Variants in NLGN1 observed in about 807,000 individuals in gnomAD.
NLGN1 encodes neuroligin 1, also known as neuroligin-1.
NLGN1 carries 12 observed loss-of-function variants against 65.5 expected under a neutral mutation model. The observed-to-expected ratio is 0.18, with a 90% CI of 0.12 to 0.30. NLGN1 has a LOEUF of 0.30. Ranked by LOEUF, NLGN1 falls within the 10% of genes least tolerant of loss-of-function variation. The probability of loss-of-function intolerance (pLI) is 1.00; values close to 1 mark genes in which losing one functional copy is unlikely to be tolerated. For synonymous variants in NLGN1, 350 were observed against 359.5 expected (o/e 0.97, Z 0.30); for missense variants, 750 against 1,007.1 (o/e 0.74, Z 3.46).
At chr3:173,547,894 A>T (rs1202162438) in intron 2 of NLGN1, among the ~76,000 whole-genome samples, 6 of 152,044 alleles carry the variant, frequency 3.9e-5, no homozygotes, top group Non-Finnish European at 7.4e-5. Context: ...AGGAGGCCAG[A>T]TGTCTCCTTC....
chr3:173,419,972 A>AAAAATAAAAT lies in NLGN1; in HGVS notation c.-389-15019_-389-15010dup, dbSNP rs750740710. ...TGGCGACACAGAGAGACTCAGTCTC[A>AAAAATAAAAT]AAAATAAAATAAAATAAAATAAAAT... On this transcript the variant is annotated intron_variant, in intron 1 of 6. Coordinates refer to ENST00000457714, the Ensembl canonical transcript of NLGN1. 2.5e-3 allele frequency among the ~76,000 whole-genome samples: 352 copies of AAAAATAAAAT among 142,742 alleles called. 1 individual carries two copies. The highest frequency in any genetic ancestry group is 8.5e-3 in the African/African-American group (323 of 37,814). The allele number at this position is 142,742 out of a possible 152,430, so 93.6% of individuals were successfully genotyped here.
chr3:173,630,233 A>G (rs1755471504), intron 3 of NLGN1, among the ~76,000 whole-genome samples: 1 of 152,190 alleles, frequency 6.6e-6, no homozygotes, highest in Non-Finnish European at 1.5e-5. Flanking sequence ...GAAGAATTCC[A>G]AGGGACAGAA....
At chr3:173,664,125 C>T (rs1468817395) in intron 3 of NLGN1, among the ~76,000 whole-genome samples, 1 of 151,972 alleles carries the variant, frequency 6.6e-6, no homozygotes, top group East Asian at 1.9e-4. Context: ...AACAGTTGGA[C>T]TGGATCCCTA....
chr3:173,777,080 C>T (rs566384327), intron 3 of NLGN1, among the ~76,000 whole-genome samples: 27 of 152,000 alleles, frequency 1.8e-4, no homozygotes, highest in South Asian at 1.0e-3. Context: ...CCTTGGCTTA[C>T]GCAAGTTATT....
chr3:173,947,270 C>T (rs545629710), intron 4 of NLGN1, among the ~76,000 whole-genome samples: 213 of 152,110 alleles, frequency 1.4e-3, no homozygotes, highest in African/African-American at 4.8e-3. Context: ...GATCTGCCCG[C>T]TTCAGCCTCC....
chr3:174,086,680 A>C (rs1241128784), intron 4 of NLGN1, among the ~76,000 whole-genome samples: 1 of 151,924 alleles, frequency 6.6e-6, no homozygotes, highest in African/African-American at 2.4e-5. Context: ...TTTTCCTCCT[A>C]TTTCACCCAA....
At chr3:173,818,025 C>T (rs928974742) in intron 4 of NLGN1, among the ~76,000 whole-genome samples, 2 of 152,180 alleles carry the variant, frequency 1.3e-5, no homozygotes, top group African/African-American at 4.8e-5. Flanking sequence ...AGGACTACAA[C>T]TAACTAAACA....
chr3:173,765,214 G>A (rs1387981450), intron 3 of NLGN1, among the ~76,000 whole-genome samples: 1 of 152,044 alleles, frequency 6.6e-6, no homozygotes, highest in African/African-American at 2.4e-5. Context: ...AAGCGAGAAA[G>A]CTGGTGTGGT....
chr3:174,029,767 G>C (rs968527233), intron 4 of NLGN1, among the ~76,000 whole-genome samples: 2 of 152,178 alleles, frequency 1.3e-5, no homozygotes, highest in Non-Finnish European at 2.9e-5. Context: ...CCCCCATGCT[G>C]TTCTCATAGT....
At chr3:174,187,424 C>T (rs887726063) in intron 4 of NLGN1, among the ~76,000 whole-genome samples, 4 of 151,990 alleles carry the variant, frequency 2.6e-5, no homozygotes, top group African/African-American at 4.8e-5. Flanking sequence ...CCAAGCATGT[C>T]AATACCTTAA....
chr3:173,985,665 A>G (rs1719721461), intron 4 of NLGN1, among the ~76,000 whole-genome samples: 1 of 152,100 alleles, frequency 6.6e-6, no homozygotes, highest in Non-Finnish European at 1.5e-5. Flanking sequence ...AAAAGAAACT[A>G]TTGTGTGGGT....
chr3:173,768,476 T>G (rs1779092659), intron 3 of NLGN1, among the ~76,000 whole-genome samples: 1 of 146,996 alleles, frequency 6.8e-6, no homozygotes, highest in Non-Finnish European at 1.5e-5. Context: ...GATCTTGAGA[T>G]TTTTCTTCTC....
At chr3:173,919,387 A>G (rs1447404885) in intron 4 of NLGN1, among the ~76,000 whole-genome samples, 1 of 152,114 alleles carries the variant, frequency 6.6e-6, no homozygotes, top group Non-Finnish European at 1.5e-5. Flanking sequence ...GCAGAAAAAA[A>G]TTTTCTTGGG....
intron 3 of NLGN1, among the ~76,000 whole-genome samples, chr3:173,655,156 A>G (rs1480870662): frequency 2.6e-5 from 4 of 152,288 alleles, no homozygotes; most frequent in African/African-American, 9.6e-5. Flanking sequence ...TCAGAAGGGG[A>G]AAAGCTAAAT....
chr3:173,782,808 CT>C (rs1781378707), intron 3 of NLGN1, among the ~76,000 whole-genome samples: 3 of 151,430 alleles, frequency 2.0e-5, no homozygotes, highest in Non-Finnish European at 2.9e-5. Flanking sequence ...CTTCATTCCC[CT>C]ACCCCCCGCT....
At chr3:173,773,840 T>C (rs1192150355) in intron 3 of NLGN1, among the ~76,000 whole-genome samples, 1 of 152,030 alleles carries the variant, frequency 6.6e-6, no homozygotes, top group African/African-American at 2.4e-5. Flanking sequence ...TGTGACAGAG[T>C]GACTGAGGTA....
intron 3 of NLGN1, among the ~76,000 whole-genome samples, chr3:173,739,331 C>A (rs1231573134): frequency 1.3e-5 from 2 of 152,048 alleles, no homozygotes; most frequent in African/African-American, 4.8e-5. Flanking sequence ...TACTGTAATA[C>A]TAGCTTGTAA....
rs922457536 is a variant in NLGN1 at position 174,163,331 on chromosome 3, C to G, written c.647-111984C>G. Among the ~76,000 whole-genome samples the G allele has an allele frequency of 2.0e-5, 3 of 151,988 alleles. No individual in the cohort carries two copies. In the South Asian group the frequency reaches 6.2e-4, roughly 32 times the overall value. ...GAACTTTTGTTGTTTCTTTAACATA[C>G]AAAGTAAATTTCCATGTTAACTGGA... On this transcript the variant is annotated intron_variant, in intron 4 of 6. Transcript: ENST00000457714.
At chr3:174,045,060 A>G (rs148457403) in intron 4 of NLGN1, among the ~76,000 whole-genome samples, 7 of 152,122 alleles carry the variant, frequency 4.6e-5, no homozygotes, top group African/African-American at 1.7e-4. Flanking sequence ...GAATGGACTA[A>G]TACACCATCC....
Sources: gnomAD v4.1 joint callset for allele counts (sites outside exome capture counted in the v4.1 genomes callset) on GRCh38, gnomAD v4.1.1 for gene constraint, MANE v1.5 for transcripts, NCBI Gene and HGNC (gene_info 2026-07-23, HGNC 2026-07-21) for gene names.